RAB11B: variants seen among roughly 807,000 people sequenced by gnomAD.
RAB11B encodes ras-related protein Rab-11B.
Under a neutral mutation model 23.7 loss-of-function variants are expected in RAB11B, and 7 were observed. That is an observed-to-expected ratio of 0.29 (90% CI 0.17 to 0.55). The LOEUF is 0.55. Among genes scored for constraint, RAB11B ranks in the 20% least tolerant of loss-of-function variants. The probability of loss-of-function intolerance (pLI) is 0.93; values close to 1 mark genes in which losing one functional copy is unlikely to be tolerated. For synonymous variants in RAB11B, 138 were observed against 132.0 expected, an observed-to-expected ratio of 1.05 and a Z score of -0.31; for missense variants, 189 against 320.0, an observed-to-expected ratio of 0.59 and a Z score of 3.12.
At chr19:8,393,981 C>T (rs1038513625) in intron 1 of RAB11B, among the ~76,000 whole-genome samples, 10 of 152,216 alleles carry the variant, frequency 6.6e-5, no homozygotes, top group Admixed American at 1.3e-4. Context: ...GTGAAGCCAC[C>T]AACTTCTGTG....
intron 1 of RAB11B, among the ~76,000 whole-genome samples, chr19:8,398,261 C>T (rs745529577): frequency 6.6e-6 from 1 of 152,240 alleles, no homozygotes; most frequent in Non-Finnish European, 1.5e-5. Context: ...CACCCCGTGT[C>T]GACTGGGCTC....
At chr19:8,393,245 C>A (rs1476757540) in intron 1 of RAB11B, among the ~76,000 whole-genome samples, 1 of 152,204 alleles carries the variant, frequency 6.6e-6, no homozygotes, top group Non-Finnish European at 1.5e-5. Flanking sequence ...CCCCAGATTT[C>A]TTTTCTGATG....
chr19:8,400,035 G>A lies in RAB11B; in HGVS notation c.213G>A (p.Glu71=). The stretch of plus-strand genomic sequence containing the variant: ...AGATCTGGGACACCGCTGGCCAGGA[G>A]CGCTACCGCGCCATCACCTCCGCGT... ...KAQIWDTAGQ[E]RYRAITSAYY... is the part of the protein sequence containing the mutation. The change falls in exon 2 of 5, where the codon GAG becomes GAA. Residue 71 remains glutamate, a synonymous_variant. Coordinates refer to ENST00000328024, the MANE Select transcript of RAB11B (RefSeq NM_004218.4). 6.2e-7 allele frequency: 1 copy of A among 1,613,580 alleles called. No individual in the cohort carries two copies. Among genetic ancestry groups the A allele is most frequent in the Non-Finnish European group, 8.5e-7 (1 of 1,179,536 alleles).
chr19:8,390,493 C>T (rs1013210822), intron 1 of RAB11B, 37 bp downstream of exon 1: 2 of 1,473,558 alleles, frequency 1.4e-6, no homozygotes, highest in African/African-American at 2.9e-5. Context: ...GAAGTCGTGG[C>T]GGCGAGGCGG....
intron 1 of RAB11B, among the ~76,000 whole-genome samples, chr19:8,398,323 C>T (rs74351035): frequency 0.046 from 7,040 of 152,338 alleles, 196 homozygotes; most frequent in Non-Finnish European, 0.068. Flanking sequence ...TCTGTTCTGT[C>T]CACGCTGCGC....
At position 8,390,549 on chromosome 19, in the gene RAB11B, C is replaced by G. The variant is rs1971339579; in HGVS notation, c.40+93C>G. The G allele has an allele frequency of 5.5e-6, 7 of 1,276,212 alleles. No homozygotes were observed. In the South Asian group the frequency reaches 1.1e-4, roughly 20 times the overall value. The allele number at this position is 1,276,212 out of a possible 1,614,324, so 79.1% of individuals were successfully genotyped here. On this transcript the variant is annotated intron_variant, in intron 1 of 4. Coordinates refer to ENST00000328024, the MANE Select transcript of RAB11B (RefSeq NM_004218.4). ...GCGCTCCAGGCCGCTGGGCCCAGGC[C>G]GGAGCCCGGGGCTTGGGGCCCGGCG...
Position 8,390,427 on chromosome 19 carries a change from G to C in RAB11B, c.11G>C (p.Arg4Pro). Residue 4 changes from arginine (R) to proline (P), a missense_variant, in exon 1 of 5, where the codon CGG becomes CCG. Physicochemically the swap from Arg to Pro is moderately radical, Grantham distance 103. Around this residue, in one of 5 missense-constraint regions of RAB11B, gnomAD observed 20 missense variants for 16.2 expected, o/e 1.24. Coordinates refer to ENST00000328024, the MANE Select transcript of RAB11B (RefSeq NM_004218.4). Reference protein sequence around the residue: MGTRDDEYDYLFKV... With the variant: MGTPDDEYDYLFKV... ...GGAAGCGCCAGGACAATGGGGACCC[G>C]GGACGACGAGTACGACTACCTATTC... is the stretch of plus-strand genomic sequence containing the variant. 2 of 1,526,572 alleles carry C rather than the reference G, an allele frequency of 1.3e-6. No individual in the cohort carries two copies. The highest frequency in any genetic ancestry group is 1.8e-6 in the Non-Finnish European group (2 of 1,141,524). 94.6% of individuals were successfully genotyped at this position (1,526,572 alleles called of 1,614,324 possible).
chr19:8,399,885 C>T lies in RAB11B; in HGVS notation c.63C>T (p.Gly21=), dbSNP rs778638576. The change falls in exon 2 of 5, where the codon GGC becomes GGT. Residue 21 remains glycine (G), a synonymous_variant. Transcript: ENST00000328024. ...LFKVVLIGDS[G]VGKSNLLSRF... ...CAGTGGTGCTCATCGGGGACTCAGG[C>T]GTGGGCAAGAGCAACCTGCTGTCGC... The T allele has an allele frequency of 5.1e-5, 82 of 1,613,966 alleles. 2 individuals are homozygous for T. The South Asian group carries it at 7.9e-4, about 16-fold the overall frequency.
At chr19:8,394,109 C>T (rs933924221) in intron 1 of RAB11B, among the ~76,000 whole-genome samples, 1 of 152,218 alleles carries the variant, frequency 6.6e-6, no homozygotes, top group Non-Finnish European at 1.5e-5. Flanking sequence ...CCCGCCACTG[C>T]CCCGCTGGCC....
At chr19:8,401,577 G>A (rs1971437849) in intron 2 of RAB11B, among the ~76,000 whole-genome samples, 2 of 151,938 alleles carry the variant, frequency 1.3e-5, no homozygotes, top group East Asian at 3.9e-4. Context: ...AGTAGAGATG[G>A]GGTTTCACCA....
At chr19:8,391,864 G>A (rs1047583670) in intron 1 of RAB11B, among the ~76,000 whole-genome samples, 1 of 151,836 alleles carries the variant, frequency 6.6e-6, no homozygotes, top group African/African-American at 2.4e-5. Context: ...CGGGGGGAGG[G>A]AGAGGAAGTG....
At chr19:8,393,080 G>A (rs536511476) in intron 1 of RAB11B, among the ~76,000 whole-genome samples, 119 of 151,228 alleles carry the variant, frequency 7.9e-4, no homozygotes, top group Non-Finnish European at 1.5e-3. Context: ...GTGATGCCCC[G>A]TGTGCCATTT....
Position 8,399,948 on chromosome 19 carries a change from C to T in RAB11B, c.126C>T (p.Ser42=). The T allele has an allele frequency of 6.2e-7, 1 of 1,614,224 alleles. No homozygotes were observed. The highest frequency in any genetic ancestry group is 8.5e-7 in the Non-Finnish European group (1 of 1,180,028). ...TRNEFNLESK[S]TIGVEFATRS... The stretch of plus-strand genomic sequence containing the variant: ...ACGAGTTCAACCTGGAGAGCAAGAG[C>T]ACCATCGGCGTGGAGTTCGCCACCC... The change falls in exon 2 of 5, where the codon AGC becomes AGT. Residue 42 remains serine, a synonymous_variant. Transcript: ENST00000328024.
At position 8,404,154 on chromosome 19, in the gene RAB11B, C is replaced by T. The variant is rs1971462216; in HGVS notation, c.*596C>T. On this transcript the variant is annotated 3_prime_UTR_variant, in exon 5 of 5. Coordinates refer to ENST00000328024, the MANE Select transcript of RAB11B (RefSeq NM_004218.4). ...CTCCCCTCTCCTGCACGCAACGCGC[C>T]CTCTCGGCCCTCCCTGTCCCCCTCC... The T allele has an allele frequency of 2.0e-5, 3 of 152,158 alleles. No homozygotes were observed. The highest frequency in any genetic ancestry group is 4.4e-5 in the Non-Finnish European group (3 of 68,090). The allele number at this position is 152,158 out of a possible 1,614,324, so 9.4% of individuals were successfully genotyped here.
intron 2 of RAB11B, among the ~76,000 whole-genome samples, chr19:8,400,649 C>T (rs1468265864): frequency 2.0e-5 from 3 of 151,772 alleles, no homozygotes; most frequent in Admixed American, 6.6e-5. Flanking sequence ...TGCGATGGCA[C>T]GATCTCGGCT....
At chr19:8,390,601 C>A in intron 1 of RAB11B, 145 bp downstream of exon 1, 1 of 856,528 alleles carries the variant, frequency 1.2e-6, no homozygotes, top group Non-Finnish European at 1.6e-6. Context: ...AGGCCGGAGC[C>A]GACCGGGCAG....
intron 1 of RAB11B, among the ~76,000 whole-genome samples, chr19:8,398,885 G>A (rs1007162754): frequency 6.6e-6 from 1 of 152,084 alleles, no homozygotes; most frequent in African/African-American, 2.4e-5. Flanking sequence ...GGGCTCAAGC[G>A]ATTCTCCTGC....
At chr19:8,394,000 C>T (rs995737461) in intron 1 of RAB11B, among the ~76,000 whole-genome samples, 6 of 152,198 alleles carry the variant, frequency 3.9e-5, no homozygotes, top group Non-Finnish European at 5.9e-5. Flanking sequence ...TGGAAATGCT[C>T]GGAGCTGTGT....
chr19:8,395,106 C>T (rs991217548), intron 1 of RAB11B, among the ~76,000 whole-genome samples: 5 of 152,100 alleles, frequency 3.3e-5, no homozygotes, highest in African/African-American at 4.8e-5. Flanking sequence ...GCCAGGCTCC[C>T]GTAGCTGCCG....
Sources: gnomAD v4.1 joint callset for allele counts (sites outside exome capture counted in the v4.1 genomes callset) on GRCh38, gnomAD v4.1.1 for gene constraint, gnomAD v4.1.1 regional missense constraint, MANE v1.5 for transcripts, NCBI Gene and HGNC (gene_info 2026-07-23, HGNC 2026-07-21) for gene names.